Variants in AP3D1 observed in about 807,000 individuals in gnomAD.
AP3D1 encodes adaptor related protein complex 3 subunit delta 1.
A neutral mutation model predicts 147.6 loss-of-function variants in AP3D1; 51 were observed. The ratio of observed to expected loss-of-function variants is 0.35; its 90% confidence interval spans 0.28 to 0.44. AP3D1 has a LOEUF of 0.44. Ranked by LOEUF, AP3D1 falls within the 20% of genes least tolerant of loss-of-function variation. The pLI is 1.00. For missense variants in AP3D1, 1,421 were observed against 1,624.2 expected (o/e 0.87, Z 2.15); for synonymous variants, 760 against 663.0 (o/e 1.15, Z -2.25).
intron 4 of AP3D1, among the ~76,000 whole-genome samples, chr19:2,133,702 C>T (rs1412649112): frequency 7.9e-5 from 12 of 151,998 alleles, no homozygotes; most frequent in Admixed American, 7.2e-4. Context: ...TGGGGTTTTA[C>T]CATGTTGGCC....
intron 1 of AP3D1, among the ~76,000 whole-genome samples, chr19:2,150,678 G>A (rs1367629148): frequency 1.3e-5 from 2 of 152,172 alleles, no homozygotes; most frequent in African/African-American, 4.8e-5. Flanking sequence ...GAGCGACCTG[G>A]ACACGCATTT....
chr19:2,118,336 A>C (rs909768158), intron 15 of AP3D1, among the ~76,000 whole-genome samples: 7 of 152,164 alleles, frequency 4.6e-5, no homozygotes, highest in East Asian at 1.9e-4. Context: ...CATGTGAAAC[A>C]ACCTCTTCCT....
chr19:2,107,434 T>C (rs1480504696), intron 31 of AP3D1, among the ~76,000 whole-genome samples: 1 of 150,252 alleles, frequency 6.7e-6, no homozygotes. Flanking sequence ...TCAAGAAAAA[T>C]TGGTTGTTTG....
chr19:2,137,928 C>A, intron 2 of AP3D1, 121 bp from the exon 3 acceptor site: 468 of 622,374 alleles, frequency 7.5e-4, no homozygotes, highest in East Asian at 1.1e-3. Context: ...TCACTGTCAG[C>A]AAACCACCCA....
At chr19:2,105,903 T>C (rs1004710881) in intron 31 of AP3D1, among the ~76,000 whole-genome samples, 2 of 151,900 alleles carry the variant, frequency 1.3e-5, no homozygotes, top group East Asian at 1.9e-4. Context: ...CTGACCAACA[T>C]GGTGAAACCC....
At chr19:2,158,928 C>T (rs963944207) in intron 1 of AP3D1, among the ~76,000 whole-genome samples, 3 of 152,172 alleles carry the variant, frequency 2.0e-5, no homozygotes, top group African/African-American at 7.2e-5. Context: ...TGAACAAGGA[C>T]AGCTTGGAGG....
intron 1 of AP3D1, among the ~76,000 whole-genome samples, chr19:2,163,379 A>AG (rs2019774279): frequency 6.6e-6 from 1 of 150,918 alleles, no homozygotes; most frequent in Non-Finnish European, 1.5e-5. Context: ...TGGCCGTGAG[A>AG]GGGGGTTTCT....
rs1377076160 is a variant in AP3D1, at chr19:2,101,045, G to A, written c.*1128C>T. On this transcript the variant is annotated 3_prime_UTR_variant, in exon 32 of 32. Transcript: ENST00000643116. ...ATCTTGACACAAAATCATGACAGCA[G>A]CGTGATATGTCTCTCTCTTTATACG... is the stretch of plus-strand genomic sequence containing the variant. 1 of 152,534 alleles carries A rather than the reference G, an allele frequency of 6.6e-6. No homozygotes were observed. Among genetic ancestry groups the A allele is most frequent in the African/African-American group, 2.4e-5 (1 of 41,442 alleles). The allele number at this position is 152,534 out of a possible 1,614,324, so 9.4% of individuals were successfully genotyped here. A position where few individuals can be genotyped will look rare whatever the true frequency, so the allele number is the denominator to read the frequency against.
intron 10 of AP3D1, 30 bp from the exon 11 acceptor site, chr19:2,123,436 AC>A (rs1451095229): frequency 1.2e-6 from 2 of 1,612,550 alleles, no homozygotes; most frequent in South Asian, 2.2e-5. Flanking sequence ...GATGCTGGTT[AC>A]ATCCTCTAAA....
In AP3D1 at chr19:2,113,350, G is replaced by A. The variant is rs773387498; in HGVS notation, c.2665C>T (p.Pro889Ser). ...CAGTCTCTTACCGTGGATGGAACGG[G>A]GGCGGGGGCGGGGGCGGGGGCAGGC... ...PPPAPAPAPA[P>S]VPSTGELSVN... is the part of the protein sequence containing the mutation. Residue 889 changes from proline to serine, a missense_variant, in exon 23 of 32, where the codon CCC becomes TCC. Physicochemically the swap from Pro to Ser is moderately conservative, Grantham distance 74 (BLOSUM62 -1). This residue lies in a region of AP3D1 where 791 missense variants were observed against 761.4 expected (regional missense o/e 1.04). Coordinates refer to ENST00000643116, the MANE Select transcript of AP3D1 (RefSeq NM_001261826.3). The A allele has an allele frequency of 3.5e-6, 5 of 1,429,810 alleles. No homozygotes were observed. Among genetic ancestry groups the A allele is most frequent in the Non-Finnish European group, 4.6e-6 (5 of 1,077,104 alleles). The allele number at this position is 1,429,810 out of a possible 1,614,324, so 88.6% of individuals were successfully genotyped here. A position where few individuals can be genotyped will look rare whatever the true frequency, so the allele number is the denominator to read the frequency against.
At chr19:2,111,484 C>G in intron 25 of AP3D1, 152 bp from the exon 26 acceptor site, 1 of 1,231,190 alleles carries the variant, frequency 8.1e-7, no homozygotes, top group Middle Eastern at 2.8e-4. Context: ...ATCCCCGGCT[C>G]CCAGGACCAC....
At chr19:2,104,532 A>G (rs1208834429) in intron 31 of AP3D1, among the ~76,000 whole-genome samples, 1 of 150,896 alleles carries the variant, frequency 6.6e-6, no homozygotes, top group Non-Finnish European at 1.5e-5. Flanking sequence ...AGACACCAAC[A>G]CCCAGACCCC....
chr19:2,144,028 G>A (rs117030929), intron 1 of AP3D1, among the ~76,000 whole-genome samples: 6,252 of 151,584 alleles, frequency 0.041, 187 homozygotes, highest in East Asian at 0.14. Flanking sequence ...AGACGTTGCG[G>A]TGAGCCGAGA....
chr19:2,147,677 C>T (rs1245285887), intron 1 of AP3D1, among the ~76,000 whole-genome samples: 9 of 151,576 alleles, frequency 5.9e-5, no homozygotes, highest in African/African-American at 2.2e-4. Context: ...GGGCAGATCA[C>T]GAGGTCAAGA....
rs2018674705 is a variant in AP3D1, at chr19:2,123,759, G to A, written c.906+71C>T. ...AGCACCTTGGTCACAGGGTGGGCAA[G>A]CTCCCGCCTGTGGAAAGGTGTGGCC... On this transcript the variant is annotated intron_variant, in intron 10 of 31. Transcript: ENST00000643116. The A allele has an allele frequency of 3.9e-6, 6 of 1,524,108 alleles. No homozygotes were observed. In the African/African-American group the frequency reaches 5.5e-5, roughly 14 times the overall value. The allele number at this position is 1,524,108 out of a possible 1,614,324, so 94.4% of individuals were successfully genotyped here. A position where few individuals can be genotyped will look rare whatever the true frequency, so the allele number is the denominator to read the frequency against.
intron 1 of AP3D1, among the ~76,000 whole-genome samples, chr19:2,147,345 CA>C (rs71176517): frequency 0.51 from 40,698 of 80,352 alleles, 7,161 homozygotes; most frequent in Middle Eastern, 0.61. Flanking sequence ...AACTCTGTCT[CA>C]AAAAAAAAAA....
intron 6 of AP3D1, among the ~76,000 whole-genome samples, chr19:2,130,091 G>C (rs150352913): frequency 2.6e-5 from 4 of 152,338 alleles, no homozygotes; most frequent in African/African-American, 4.8e-5. Context: ...ATATGGTCTA[G>C]ACCATCCCCT....
At chr19:2,136,947 C>G in intron 4 of AP3D1, 64 bp downstream of exon 4, 2 of 1,466,248 alleles carry the variant, frequency 1.4e-6, no homozygotes, top group African/African-American at 1.4e-5. Context: ...CGTGTGGGAA[C>G]CAGACGCTCC....
intron 1 of AP3D1, among the ~76,000 whole-genome samples, chr19:2,149,208 A>G (rs1009624022): frequency 6.6e-6 from 1 of 152,124 alleles, no homozygotes; most frequent in East Asian, 1.9e-4. Flanking sequence ...GGCAGGGCCA[A>G]TGAGGAAGCC....
Sources: gnomAD v4.1 joint callset for allele counts (sites outside exome capture counted in the v4.1 genomes callset) on GRCh38, gnomAD v4.1.1 for gene constraint, gnomAD v4.1.1 regional missense constraint, MANE v1.5 for transcripts, NCBI Gene and HGNC (gene_info 2026-07-23, HGNC 2026-07-21) for gene names.